SH3RF3: variants seen among roughly 807,000 people sequenced by gnomAD.
SH3RF3 encodes the protein SH3 domain containing ring finger 3.
Under a neutral mutation model 66.3 loss-of-function variants are expected in SH3RF3, and 29 were observed. The ratio of observed to expected loss-of-function variants is 0.44; its 90% CI spans 0.33 to 0.60. The LOEUF is 0.60. Ranked by LOEUF, SH3RF3 falls within the 20% of genes least tolerant of loss-of-function variation. SH3RF3 has a pLI of 0.04. For missense variants in SH3RF3, 1,194 were observed against 1,190.9 expected, an observed-to-expected ratio of 1.00 and a Z score of -0.04; for synonymous variants, 583 against 532.0, an observed-to-expected ratio of 1.10 and a Z score of -1.32.
At chr2:109,265,101 A>T (rs12052542) in intron 1 of SH3RF3, among the ~76,000 whole-genome samples, 1 of 151,714 alleles carries the variant, frequency 6.6e-6, no homozygotes, top group Non-Finnish European at 1.5e-5. Flanking sequence ...GACTTTGCCC[A>T]CTTGAGGCGT....
chr2:109,178,998 T>A lies in SH3RF3; in HGVS notation c.573+48885T>A, dbSNP rs565707344. Among the ~76,000 whole-genome samples, 73 of 136,952 alleles carry A rather than the reference T, an allele frequency of 5.3e-4. 2 individuals are homozygous for A. The South Asian group carries it at 0.016, about 30-fold the overall frequency. 89.8% of individuals were successfully genotyped at this position (136,952 alleles called of 152,430 possible). ...GAAATACTTTTTTTCTTATAAAGTA[T>A]AATAATGTGTGTGTGTGTGTGTGTG... On this transcript the variant is annotated intron_variant, in intron 1 of 9. Transcript: ENST00000309415.
At chr2:109,436,575 T>C (rs935706307) in intron 6 of SH3RF3, among the ~76,000 whole-genome samples, 3 of 152,266 alleles carry the variant, frequency 2.0e-5, no homozygotes, top group African/African-American at 4.8e-5. Flanking sequence ...TGGATGTATC[T>C]GGAGACACAC....
chr2:109,248,933 T>C (rs1380506429), intron 1 of SH3RF3, among the ~76,000 whole-genome samples: 1 of 141,284 alleles, frequency 7.1e-6, no homozygotes, highest in Non-Finnish European at 1.5e-5. Flanking sequence ...TCCTGTCCTG[T>C]CTTGCTCTGT....
chr2:109,263,214 C>T (rs1007610134), intron 1 of SH3RF3, among the ~76,000 whole-genome samples: 1 of 152,060 alleles, frequency 6.6e-6, no homozygotes, highest in Admixed American at 6.6e-5. Flanking sequence ...TTATAATGAC[C>T]CGGCTGTCTT....
chr2:109,293,922 C>T (rs1559006428), intron 1 of SH3RF3, among the ~76,000 whole-genome samples: 1 of 152,306 alleles, frequency 6.6e-6, no homozygotes, highest in East Asian at 1.9e-4. Context: ...GACTCTTTAC[C>T]AATGGCCGGC....
chr2:109,252,108 G>C (rs1480257561), intron 1 of SH3RF3, among the ~76,000 whole-genome samples: 1 of 152,032 alleles, frequency 6.6e-6, no homozygotes, highest in Non-Finnish European at 1.5e-5. Flanking sequence ...GCTGAGTGGG[G>C]TGTCACAGGC....
intron 1 of SH3RF3, among the ~76,000 whole-genome samples, chr2:109,249,755 C>G (rs1227382442): frequency 6.6e-6 from 1 of 151,880 alleles, no homozygotes; most frequent in Non-Finnish European, 1.5e-5. Flanking sequence ...CTTCCAGGTT[C>G]ACGCCATTCT....
At chr2:109,268,443 A>G (rs571191726) in intron 1 of SH3RF3, among the ~76,000 whole-genome samples, 4 of 152,200 alleles carry the variant, frequency 2.6e-5, no homozygotes, top group East Asian at 2.0e-4. Flanking sequence ...TGTCCTGTCC[A>G]GGGGCCCAGG....
chr2:109,319,989 G>C lies in SH3RF3; in HGVS notation c.574-27685G>C, dbSNP rs780332642. 2.9e-4 allele frequency among the ~76,000 whole-genome samples: 44 copies of C among 152,296 alleles called. 1 individual carries two copies. Among genetic ancestry groups the C allele is most frequent in the Non-Finnish European group, 5.0e-4 (34 of 68,028 alleles). Reference sequence around the variant, plus strand: ...GAAGTCAGAGTGGGTGATGGAGAGTGGGGGGTGCTATTCTGGAGGTTCCCA... The same window carrying C: ...GAAGTCAGAGTGGGTGATGGAGAGTCGGGGGTGCTATTCTGGAGGTTCCCA... On this transcript the variant is annotated intron_variant, in intron 1 of 9. Coordinates refer to ENST00000309415, the MANE Select transcript of SH3RF3 (RefSeq NM_001099289.3).
chr2:109,173,929 T>G (rs1284513455), intron 1 of SH3RF3, among the ~76,000 whole-genome samples: 1 of 152,240 alleles, frequency 6.6e-6, no homozygotes, highest in Non-Finnish European at 1.5e-5. Context: ...GGCCAATTCT[T>G]ATGCCCTTTA....
intron 1 of SH3RF3, among the ~76,000 whole-genome samples, chr2:109,337,667 C>G (rs1317027063): frequency 6.6e-6 from 1 of 151,788 alleles, no homozygotes; most frequent in East Asian, 1.9e-4. Context: ...GTGCCATATG[C>G]TATCAGCATA....
intron 1 of SH3RF3, among the ~76,000 whole-genome samples, chr2:109,202,971 G>T (rs1678719129): frequency 6.6e-6 from 1 of 152,208 alleles, no homozygotes; most frequent in African/African-American, 2.4e-5. Flanking sequence ...TTGTGCCTGA[G>T]GATAACACTT....
chr2:109,163,769 T>C (rs1472334934), intron 1 of SH3RF3, among the ~76,000 whole-genome samples: 2 of 152,152 alleles, frequency 1.3e-5, no homozygotes, highest in African/African-American at 4.8e-5. Context: ...CTGTGTGCAG[T>C]CGGCAGCTCA....
chr2:109,135,769 A>G (rs1024825041), intron 1 of SH3RF3, among the ~76,000 whole-genome samples: 9 of 152,158 alleles, frequency 5.9e-5, no homozygotes, highest in Non-Finnish European at 7.4e-5. Context: ...CTGGGCATCT[A>G]TGCGGAGTAG....
intron 8 of SH3RF3, among the ~76,000 whole-genome samples, chr2:109,449,716 A>G (rs926054238): frequency 6.6e-6 from 1 of 152,270 alleles, no homozygotes. Context: ...ATGCAAGTCC[A>G]GCTACATTTC....
intron 3 of SH3RF3, among the ~76,000 whole-genome samples, chr2:109,391,910 C>T (rs1272695579): frequency 6.6e-6 from 1 of 151,994 alleles, no homozygotes; most frequent in Non-Finnish European, 1.5e-5. Context: ...CGTGACCTCT[C>T]AGGCTCAAGC....
chr2:109,179,760 A>G (rs905292566), intron 1 of SH3RF3, among the ~76,000 whole-genome samples: 3 of 152,152 alleles, frequency 2.0e-5, no homozygotes, highest in African/African-American at 7.2e-5. Context: ...CTGCCTCAAG[A>G]TGCCATCAAC....
intron 3 of SH3RF3, among the ~76,000 whole-genome samples, chr2:109,396,974 G>A (rs1676165385): frequency 6.6e-6 from 1 of 152,146 alleles, no homozygotes; most frequent in South Asian, 2.1e-4. Flanking sequence ...GCTGAGTCCC[G>A]TTTTTCCCAT....
In SH3RF3 at chr2:109,164,371, A is replaced by T. The variant is rs1460590313; in HGVS notation, c.573+34258A>T. Among the ~76,000 whole-genome samples, 4 of 152,036 alleles carry T rather than the reference A, an allele frequency of 2.6e-5. No individual in the cohort carries two copies. The East Asian group carries it at 7.7e-4, about 29-fold the overall frequency. Reference sequence around the variant, plus strand: ...CTAATTTTTAAAAATTTTGTTAGAGATGGGGTCTTGCTGTGTTGCTCAGGC... The same window carrying T: ...CTAATTTTTAAAAATTTTGTTAGAGTTGGGGTCTTGCTGTGTTGCTCAGGC... On this transcript the variant is annotated intron_variant, in intron 1 of 9. Coordinates refer to ENST00000309415, the MANE Select transcript of SH3RF3 (RefSeq NM_001099289.3).
Sources: gnomAD v4.1 joint callset for allele counts (sites outside exome capture counted in the v4.1 genomes callset) on GRCh38, gnomAD v4.1.1 for gene constraint, MANE v1.5 for transcripts, NCBI Gene and HGNC (gene_info 2026-07-23, HGNC 2026-07-21) for gene names.